Variants in SIRT6 observed in about 807,000 individuals in gnomAD.
SIRT6 encodes the protein sirtuin 6, also known as NAD-dependent protein deacylase sirtuin-6.
Under a neutral mutation model 33.6 loss-of-function variants are expected in SIRT6, and 21 were observed. The ratio of observed to expected loss-of-function variants is 0.62; its 90% CI spans 0.44 to 0.90. The LOEUF is 0.90. SIRT6 is among the 40% of genes least tolerant of loss of function. The pLI, the probability that SIRT6 is intolerant of heterozygous loss-of-function variation, is 0.00. For missense variants in SIRT6, 504 were observed against 510.6 expected, an observed-to-expected ratio of 0.99 and a Z score of 0.12; for synonymous variants, 221 against 223.9, an observed-to-expected ratio of 0.99 and a Z score of 0.12.
rs1568290857 is a variant in SIRT6, at chr19:4,174,663, G to A, written c.1022C>T (p.Pro341Leu). ...PKRERPTSPA[P>L]HRPPKRVKAK... ...CTTCACCCTTTTGGGGGGTCTGTGG[G>A]GGGCAGGGCTGGTGGGCCGCTCCCG... Residue 341 changes from proline to leucine, a missense_variant, in exon 8 of 8, where the codon CCC (proline) becomes CTC (leucine). Coordinates refer to ENST00000337491, the MANE Select transcript of SIRT6 (RefSeq NM_016539.4). The surrounding 1 kb of genome is among the most constrained non-coding windows in gnomAD (Gnocchi z 4.2). The A allele has an allele frequency of 2.7e-6, 4 of 1,455,464 alleles. No individual in the cohort carries two copies. The highest frequency in any genetic ancestry group is 5.0e-5 in the East Asian group (2 of 40,212). The allele number at this position is 1,455,464 out of a possible 1,614,324, so 90.2% of individuals were successfully genotyped here. A position where few individuals can be genotyped will look rare whatever the true frequency, so the allele number is the denominator to read the frequency against.
chr19:4,174,638 C>T lies in SIRT6; in HGVS notation c.1047G>A (p.Lys349=). 4 of 1,448,542 alleles carry T rather than the reference C, an allele frequency of 2.8e-6. No individual in the cohort carries two copies. The highest frequency in any genetic ancestry group is 3.6e-6 in the Non-Finnish European group (4 of 1,097,716). 89.7% of individuals were successfully genotyped at this position (1,448,542 alleles called of 1,614,324 possible). The change falls in exon 8 of 8, where the codon AAG becomes AAA. Residue 349 remains lysine (K), a synonymous_variant. Coordinates refer to ENST00000337491, the MANE Select transcript of SIRT6 (RefSeq NM_016539.4). The surrounding 1 kb of genome is among the most constrained non-coding windows in gnomAD (Gnocchi z 4.2). ...PAPHRPPKRV[K]AKAVPS ...CTGGTCAGCTGGGGACCGCCTTGGC[C>T]TTCACCCTTTTGGGGGGTCTGTGGG...
In SIRT6 at chr19:4,179,133, G is replaced by A. The variant is rs200245532; in HGVS notation, c.348C>T (p.Asp116=). 1.4e-5 allele frequency: 23 copies of A among 1,612,304 alleles called. No individual in the cohort carries two copies. The highest frequency in any genetic ancestry group is 5.0e-5 in the Admixed American group (3 of 59,894). Residue 116 remains aspartate, a synonymous_variant, in exon 3 of 8, where the codon GAC becomes GAT. Coordinates refer to ENST00000337491, the MANE Select transcript of SIRT6 (RefSeq NM_016539.4). ...GGAAGCCTGAGCGCACATGGAGCCC[G>A]TCCACGTTCTGGCTGACCAGGAAGC... is the stretch of plus-strand genomic sequence containing the variant. ...LLRFLVSQNV[D]GLHVRSGFPR... is the part of the protein sequence containing the mutation.
chr19:4,175,824 T>G lies in SIRT6; in HGVS notation c.533+18A>C. On this transcript the variant is annotated intron_variant, in intron 5 of 7. Transcript: ENST00000337491. ...GCAGCCTCCCCTGGAGCCCAGGGCA[T>G]GGGTGGGGGTGGCTCACCTGCAGGC... 3 of 1,555,452 alleles carry G rather than the reference T, an allele frequency of 1.9e-6. No homozygotes were observed. Among genetic ancestry groups the G allele is most frequent in the Non-Finnish European group, 2.6e-6 (3 of 1,149,432 alleles).
At position 4,179,132 on chromosome 19, in the gene SIRT6, C is replaced by A; in HGVS notation, c.349G>T (p.Gly117Trp). 4 of 1,612,360 alleles carry A rather than the reference C, an allele frequency of 2.5e-6. No homozygotes were observed. The highest frequency in any genetic ancestry group is 3.4e-6 in the Non-Finnish European group (4 of 1,179,780). The stretch of plus-strand genomic sequence containing the variant: ...GGGAAGCCTGAGCGCACATGGAGCC[C>A]GTCCACGTTCTGGCTGACCAGGAAG... ...LRFLVSQNVD[G>W]LHVRSGFPRD... Residue 117 changes from glycine to tryptophan, a missense_variant, in exon 3 of 8, where the codon GGG (glycine) becomes TGG (tryptophan). Gly to Trp is a radical substitution (Grantham distance 184, BLOSUM62 -2). Coordinates refer to ENST00000337491, the MANE Select transcript of SIRT6 (RefSeq NM_016539.4).
chr19:4,182,399 A>G (rs1407408223), intron 1 of SIRT6, 75 bp downstream of exon 1: 2 of 1,444,738 alleles, frequency 1.4e-6, no homozygotes, highest in African/African-American at 2.9e-5. Flanking sequence ...TATTCCCACA[A>G]TGCCCCCCTG....
intron 6 of SIRT6, 31 bp from the exon 7 acceptor site, chr19:4,175,182 T>G: frequency 6.3e-7 from 1 of 1,580,314 alleles, no homozygotes; most frequent in South Asian, 1.1e-5. Context: ...CTGAGCCTGA[T>G]GCCCTGCTCC....
At chr19:4,179,772 G>A (rs545425165) in intron 2 of SIRT6, among the ~76,000 whole-genome samples, 148 of 152,358 alleles carry the variant, frequency 9.7e-4, no homozygotes, top group African/African-American at 3.3e-3. Flanking sequence ...GGGAAGCCCC[G>A]TGGAGGTGGG....
chr19:4,175,188 G>A (rs768864337), intron 6 of SIRT6, 37 bp from the exon 7 acceptor site: 2 of 1,574,158 alleles, frequency 1.3e-6, no homozygotes, highest in Non-Finnish European at 8.6e-7. Context: ...CTGATGCCCT[G>A]CTCCTGCCAA....
At chr19:4,181,509 G>A (rs73918060) in intron 1 of SIRT6, among the ~76,000 whole-genome samples, 14 of 152,202 alleles carry the variant, frequency 9.2e-5, no homozygotes, top group African/African-American at 2.2e-4. Flanking sequence ...CTAACAGGCC[G>A]GGTATGGTGG....
rs1024651448 is a variant in SIRT6, at chr19:4,174,821, G to C, written c.864C>G (p.Pro288=). ...GCTTGGGGGTGGGCGGGCGGGGCAG[G>C]GGTGGCAGCGCCCTCTCCAGCACAC... is the stretch of plus-strand genomic sequence containing the variant. ...GPRVLERALP[P]LPRPPTPKLE... is the part of the protein sequence containing the mutation. The change falls in exon 8 of 8, where the codon CCC becomes CCG. Residue 288 remains proline (P), a synonymous_variant. Transcript: ENST00000337491. This position sits in a 1 kb window ranked among gnomAD's most constrained non-coding sequence, Gnocchi z 4.2. 3 of 1,552,932 alleles carry C rather than the reference G, an allele frequency of 1.9e-6. No homozygotes were observed. The highest frequency in any genetic ancestry group is 2.6e-6 in the Non-Finnish European group (3 of 1,155,384).
intron 2 of SIRT6, 116 bp from the exon 3 acceptor site, chr19:4,179,402 G>A (rs1967496441): frequency 2.8e-6 from 3 of 1,088,602 alleles, no homozygotes; most frequent in Middle Eastern, 4.7e-4. Context: ...AGGAGACAGA[G>A]AGAGACAGGG....
chr19:4,176,840 C>T (rs1378649436), intron 4 of SIRT6, among the ~76,000 whole-genome samples: 1 of 151,774 alleles, frequency 6.6e-6, no homozygotes, highest in Non-Finnish European at 1.5e-5. Flanking sequence ...CACGGATGTA[C>T]CCCCCACAGG....
rs201247938 is a variant in SIRT6, at chr19:4,177,067, G to A, written c.437+12C>T. 2 of 1,611,996 alleles carry A rather than the reference G, an allele frequency of 1.2e-6. No homozygotes were observed. The highest frequency in any genetic ancestry group is 1.7e-6 in the Non-Finnish European group (2 of 1,178,790). ...GGCAGAGCCCCCACCCCTGCACCCA[G>A]GTGGCACTCACGTCTTACACTTGGC... On this transcript the variant is annotated intron_variant, in intron 4 of 7. Transcript: ENST00000337491.
At chr19:4,177,725 G>T (rs1461939552) in intron 3 of SIRT6, among the ~76,000 whole-genome samples, 3 of 151,998 alleles carry the variant, frequency 2.0e-5, no homozygotes, top group Non-Finnish European at 4.4e-5. Context: ...TGAGTAGCTG[G>T]GACTACAGGC....
At chr19:4,179,586 C>A in intron 2 of SIRT6, 2 of 451,010 alleles carry the variant, frequency 4.4e-6, no homozygotes, top group Middle Eastern at 5.8e-4. Context: ...TGAATTCACA[C>A]GAAGGCAAAA....
chr19:4,174,888 A>G lies in SIRT6; in HGVS notation c.797T>C (p.Met266Thr), dbSNP rs1967192695. The change falls in exon 8 of 8, where the codon ATG becomes ACG. Residue 266 changes from methionine (M) to threonine (T), a missense_variant. Coordinates refer to ENST00000337491, the MANE Select transcript of SIRT6 (RefSeq NM_016539.4). The surrounding 1 kb of genome is among the most constrained non-coding windows in gnomAD (Gnocchi z 4.2). ...GGGGATCTCCAGCCCCAGGTGCTTC[A>G]TGAGCCGGGTCATGACCTCGTCAAC... ...GYVDEVMTRLMKHLGLEIPAW... is the reference protein window; with the variant it reads ...GYVDEVMTRLTKHLGLEIPAW... The G allele has an allele frequency of 1.9e-6, 3 of 1,602,844 alleles. No homozygotes were observed. Among genetic ancestry groups the G allele is most frequent in the Non-Finnish European group, 2.5e-6 (3 of 1,179,714 alleles).
chr19:4,177,586 G>C (rs993586604), intron 3 of SIRT6, among the ~76,000 whole-genome samples: 1 of 152,088 alleles, frequency 6.6e-6, no homozygotes, highest in Non-Finnish European at 1.5e-5. Flanking sequence ...TTGAGACAGA[G>C]TTTTGCTCTT....
intron 2 of SIRT6, chr19:4,179,590 G>A: frequency 4.4e-6 from 2 of 450,336 alleles, no homozygotes; most frequent in Middle Eastern, 5.8e-4. Flanking sequence ...TTCACACGAA[G>A]GCAAAAATGA....
intron 4 of SIRT6, 73 bp downstream of exon 4, chr19:4,176,998 CCTCTGGGT>C: frequency 7.8e-7 from 1 of 1,280,366 alleles, no homozygotes; most frequent in Middle Eastern, 2.5e-4. Context: ...CCCCCCATAC[CCTCTGGGT>C]CTCTGGGACA....
Sources: allele counts gnomAD v4.1 joint callset (sites outside exome capture counted in the v4.1 genomes callset), GRCh38; gene constraint gnomAD v4.1.1; non-coding constraint Gnocchi (gnomAD v3.1); transcripts MANE v1.5; gene names NCBI Gene and HGNC (gene_info 2026-07-23, HGNC 2026-07-21).